BCL11B: variants seen among roughly 807,000 people sequenced by gnomAD.
The protein encoded by BCL11B is B-cell lymphoma/leukemia 11B.
In BCL11B, 8 loss-of-function variants were observed where a neutral mutation model predicts 49.9. That is an observed-to-expected ratio of 0.16 (90% CI 0.09 to 0.29). The LOEUF is 0.29. Among genes scored for constraint, BCL11B ranks in the 10% least tolerant of loss-of-function variants. The pLI is 1.00. For missense variants in BCL11B, 1,006 were observed against 1,351.0 expected (o/e 0.74, Z 4.00); for synonymous variants, 739 against 637.4 (o/e 1.16, Z -2.40).
At chr14:99,217,595 T>A (rs1209080240) in intron 3 of BCL11B, among the ~76,000 whole-genome samples, 2 of 152,198 alleles carry the variant, frequency 1.3e-5, no homozygotes, top group African/African-American at 4.8e-5. Flanking sequence ...GTCCACCTTA[T>A]CCAGGGGGAA....
At chr14:99,269,560 T>C (rs1349013457) in intron 1 of BCL11B, among the ~76,000 whole-genome samples, 1 of 149,086 alleles carries the variant, frequency 6.7e-6, no homozygotes, top group Non-Finnish European at 1.5e-5. Context: ...AAATTCTTAC[T>C]AATGTATCTG....
intron 2 of BCL11B, among the ~76,000 whole-genome samples, chr14:99,256,024 G>A (rs910245962): frequency 6.6e-6 from 1 of 152,224 alleles, no homozygotes. Flanking sequence ...CAAAAGAGAG[G>A]GCTCACTAAG....
At position 99,175,054 on chromosome 14, in the gene BCL11B, C is replaced by T. The variant is rs1348131372; in HGVS notation, c.1782G>A (p.Val594=). The change falls in exon 4 of 4, where the codon GTG becomes GTA. Residue 594 remains valine, a synonymous_variant. Transcript: ENST00000357195. The part of the protein sequence containing the change: ...AKALADEKAL[V]LGKVMENVGL... ...CCACGTTCTCCATGACCTTGCCCAG[C>T]ACCAGCGCCTTCTCGTCAGCCAGCG... 6.3e-7 allele frequency: 1 copy of T among 1,599,228 alleles called. No individual in the cohort carries two copies. The highest frequency in any genetic ancestry group is 1.1e-5 in the South Asian group (1 of 91,012).
Position 99,192,152 on chromosome 14 carries a change from C to T in BCL11B, c.641-15957G>A, listed in dbSNP as rs191261425. 1.7e-3 allele frequency among the ~76,000 whole-genome samples: 260 copies of T among 152,308 alleles called. 2 individuals carry two copies. The highest frequency in any genetic ancestry group is 2.4e-3 in the Non-Finnish European group (165 of 68,028). On this transcript the variant is annotated intron_variant, in intron 3 of 3. Coordinates refer to ENST00000357195, the MANE Select transcript of BCL11B (RefSeq NM_138576.4). The surrounding 1 kb of genome is among the most constrained non-coding windows in gnomAD (Gnocchi z 4.0). ...CCAAATCAGAAAGTCAATTTTTCCTCTATTTGCAGCAGTGCTGGCTCCACT... is the reference window on the plus strand; with the variant it reads ...CCAAATCAGAAAGTCAATTTTTCCTTTATTTGCAGCAGTGCTGGCTCCACT...
chr14:99,224,768 AAGTAAGTGGCT>A (rs1299817311), intron 3 of BCL11B, among the ~76,000 whole-genome samples: 2 of 152,150 alleles, frequency 1.3e-5, no homozygotes, highest in African/African-American at 4.8e-5. Flanking sequence ...TGGAGAGAGG[AAGTAAGTGGCT>A]AGCCTGGGAT....
In BCL11B at chr14:99,269,525, CCA is replaced by C. The variant is rs1491366517; in HGVS notation, c.58+1634_58+1635del. Among the ~76,000 whole-genome samples, 284 of 86,042 alleles carry C rather than the reference CCA, an allele frequency of 3.3e-3. 1 individual carries two copies. Among genetic ancestry groups the C allele is most frequent in the African/African-American group, 7.6e-3 (271 of 35,576 alleles). The allele number at this position is 86,042 out of a possible 152,430, so 56.4% of individuals were successfully genotyped here. On this transcript the variant is annotated intron_variant, in intron 1 of 3. Transcript: ENST00000357195. ...CACTTTAATTTCTATTCCCCCCCCC[CCA>C]AAAAAAATCATAATAAATCCACAAA...
intron 1 of BCL11B, among the ~76,000 whole-genome samples, chr14:99,270,556 G>A (rs1889637522): frequency 6.6e-6 from 1 of 151,996 alleles, no homozygotes; most frequent in East Asian, 2.0e-4. Flanking sequence ...AGGAGGAGGG[G>A]AGAGAAAGGC....
intron 3 of BCL11B, among the ~76,000 whole-genome samples, chr14:99,222,847 T>G (rs1345496511): frequency 6.6e-6 from 1 of 152,070 alleles, no homozygotes. Context: ...CTTTCTTTCT[T>G]TCTTTCTTTC....
At chr14:99,177,553 G>A (rs1189764580) in intron 3 of BCL11B, among the ~76,000 whole-genome samples, 2 of 149,582 alleles carry the variant, frequency 1.3e-5, no homozygotes, top group African/African-American at 4.9e-5. Context: ...ACTAGCTGGG[G>A]ATGCAAGAGG....
At chr14:99,238,922 G>A (rs1168996490) in intron 2 of BCL11B, among the ~76,000 whole-genome samples, 1 of 152,208 alleles carries the variant, frequency 6.6e-6, no homozygotes, top group Non-Finnish European at 1.5e-5. Flanking sequence ...GAAGCCATGT[G>A]TCGCACTGGT....
At chr14:99,238,584 C>A (rs1178522192) in intron 2 of BCL11B, among the ~76,000 whole-genome samples, 1 of 152,140 alleles carries the variant, frequency 6.6e-6, no homozygotes, top group African/African-American at 2.4e-5. Context: ...CTGTGAACCA[C>A]GGAGGTGGAG....
At chr14:99,266,257 A>G (rs1352571868) in intron 1 of BCL11B, among the ~76,000 whole-genome samples, 1 of 152,192 alleles carries the variant, frequency 6.6e-6, no homozygotes, top group Non-Finnish European at 1.5e-5. Context: ...TCCATTCATC[A>G]AGCTGTTTTA....
chr14:99,204,138 G>T (rs953887589), intron 3 of BCL11B, among the ~76,000 whole-genome samples: 5 of 152,146 alleles, frequency 3.3e-5, no homozygotes, highest in African/African-American at 1.2e-4. Flanking sequence ...TGCCTTGTGG[G>T]TGATGACTGG....
intron 3 of BCL11B, among the ~76,000 whole-genome samples, chr14:99,204,108 G>A (rs2693685): frequency 0.14 from 20,972 of 152,148 alleles, 2,653 homozygotes; most frequent in African/African-American, 0.34. Context: ...GTCAGAGCTC[G>A]GCCTCAGAGG....
intron 3 of BCL11B, among the ~76,000 whole-genome samples, chr14:99,208,734 G>A (rs1437570563): frequency 1.3e-5 from 2 of 152,230 alleles, no homozygotes; most frequent in Non-Finnish European, 2.9e-5. Flanking sequence ...TCTGGCCCAA[G>A]ACAGCAGCCG....
chr14:99,271,042 C>A (rs1889661429), intron 1 of BCL11B, 119 bp downstream of exon 1: 2 of 1,084,762 alleles, frequency 1.8e-6, no homozygotes, highest in Admixed American at 3.4e-5. Flanking sequence ...GTAGACTCTG[C>A]CAGCCAGCGG....
At chr14:99,263,614 C>T (rs1041968745) in intron 1 of BCL11B, among the ~76,000 whole-genome samples, 1 of 152,216 alleles carries the variant, frequency 6.6e-6, no homozygotes, top group East Asian at 1.9e-4. Context: ...TGCAGGACTC[C>T]AGCCTAATTT....
chr14:99,258,643 C>T (rs1889246406), intron 1 of BCL11B, among the ~76,000 whole-genome samples: 2 of 152,170 alleles, frequency 1.3e-5, no homozygotes, highest in Admixed American at 6.5e-5. Flanking sequence ...AACCGGCTTG[C>T]AGAGTCGGGA....
At chr14:99,185,082 G>A (rs148505289) in intron 3 of BCL11B, among the ~76,000 whole-genome samples, 2 of 152,282 alleles carry the variant, frequency 1.3e-5, no homozygotes, top group African/African-American at 2.4e-5. Context: ...ACAGAGAATT[G>A]TCAGACAAAG....
Sources: gnomAD v4.1 joint callset for allele counts (sites outside exome capture counted in the v4.1 genomes callset) on GRCh38, gnomAD v4.1.1 for gene constraint, Gnocchi (gnomAD v3.1) non-coding constraint, MANE v1.5 for transcripts, NCBI Gene and HGNC (gene_info 2026-07-23, HGNC 2026-07-21) for gene names.